CYP2C8: variants seen among roughly 807,000 people sequenced by gnomAD.
The protein encoded by CYP2C8 is cytochrome P450 2C8.
Under a neutral mutation model 41.3 loss-of-function variants are expected in CYP2C8, and 51 were observed. That is an observed-to-expected ratio of 1.24 (90% CI 0.99 to 1.56). The LOEUF is 1.56. Ranked by LOEUF, CYP2C8 falls within the 40% of genes most tolerant of loss-of-function variation. The pLI, the probability that CYP2C8 is intolerant of heterozygous loss-of-function variation, is 0.00. For synonymous variants in CYP2C8, 218 were observed against 205.8 expected, an observed-to-expected ratio of 1.06 and a Z score of -0.51; for missense variants, 651 against 579.9, an observed-to-expected ratio of 1.12 and a Z score of -1.26.
At chr10:95,046,631 TTCTTC>T (rs2033113848) in intron 5 of CYP2C8, among the ~76,000 whole-genome samples, 1 of 152,058 alleles carries the variant, frequency 6.6e-6, no homozygotes, top group South Asian at 2.1e-4. Context: ...AACATGAATC[TTCTTC>T]TCTTTTCTCC....
chr10:95,059,112 A>G (rs1044709284), intron 4 of CYP2C8, among the ~76,000 whole-genome samples: 37 of 152,302 alleles, frequency 2.4e-4, no homozygotes, highest in Admixed American at 4.6e-4. Flanking sequence ...ATACGTGTGC[A>G]TGTGTCTTTA....
rs545050969 is a variant in CYP2C8 at position 95,068,509 on chromosome 10, G to C, written c.168+726C>G. On this transcript the variant is annotated intron_variant, in intron 1 of 8. Transcript: ENST00000371270. Reference sequence around the variant, plus strand: ...AGCCATCAAATGAATCTTCAGAGAAGTTCAATTTTCATGACCATTCTGAAT... The same window carrying C: ...AGCCATCAAATGAATCTTCAGAGAACTTCAATTTTCATGACCATTCTGAAT... 10 of 981,762 alleles carry C rather than the reference G, an allele frequency of 1.0e-5. No individual in the cohort carries two copies. The East Asian group carries it at 6.0e-4, about 59-fold the overall frequency. 60.8% of individuals were successfully genotyped at this position (981,762 alleles called of 1,614,324 possible). A position where few individuals can be genotyped will look rare whatever the true frequency, so the allele number is the denominator to read the frequency against.
chr10:95,069,235 A>G lies in CYP2C8; in HGVS notation c.168T>C (p.Asn56=), dbSNP rs144284469. The change falls in exon 1 of 9, where the codon AAT becomes AAC. Residue 56 remains asparagine, a splice_region_variant and synonymous_variant. Coordinates refer to ENST00000371270, the MANE Select transcript of CYP2C8 (RefSeq NM_000770.3). ...CTGGAGGAACATAAGGCAGACTTACATTGGTGAAAGATTTGCAGATGTCCT... is the reference window on the plus strand; with the variant it reads ...CTGGAGGAACATAAGGCAGACTTACGTTGGTGAAAGATTTGCAGATGTCCT... The part of the protein sequence containing the change: ...DVKDICKSFT[N]FSKVYGPVFT... The G allele has an allele frequency of 6.4e-5, 104 of 1,614,056 alleles. No homozygotes were observed. Among genetic ancestry groups the G allele is most frequent in the Non-Finnish European group, 7.7e-5 (91 of 1,180,014 alleles).
intron 1 of CYP2C8, 75 bp from the exon 2 acceptor site, chr10:95,067,766 A>G: frequency 7.1e-7 from 1 of 1,403,402 alleles, no homozygotes; most frequent in Non-Finnish European, 1.0e-6. Context: ...TCAGACTGAC[A>G]TTTTCATTGT....
intron 4 of CYP2C8, among the ~76,000 whole-genome samples, chr10:95,059,958 C>G (rs2033390886): frequency 6.6e-6 from 1 of 151,918 alleles, no homozygotes; most frequent in Non-Finnish European, 1.5e-5. Flanking sequence ...AGTTGTAGAT[C>G]TGTGGTATTA....
chr10:95,058,051 T>A (rs899211482), intron 5 of CYP2C8, among the ~76,000 whole-genome samples: 1 of 152,188 alleles, frequency 6.6e-6, no homozygotes, highest in Non-Finnish European at 1.5e-5. Flanking sequence ...TATTTTGTAT[T>A]TTCTACTTAT....
intron 7 of CYP2C8, 41 bp downstream of exon 7, chr10:95,042,849 T>G: frequency 6.4e-7 from 1 of 1,568,350 alleles, no homozygotes; most frequent in South Asian, 1.1e-5. Flanking sequence ...CTATGGAAAT[T>G]TCAGAAGTAC....
rs1308795393 is a variant in CYP2C8 at position 95,037,092 on chromosome 10, T to G, written c.*36A>C. 1.3e-6 allele frequency: 2 copies of G among 1,591,840 alleles called. No individual in the cohort carries two copies. The highest frequency in any genetic ancestry group is 3.3e-5 in the Admixed American group (2 of 59,890). ...TCCTTGATAAAAAAAGAGTTGCAGGTGATAGCAGATCGGCAGCCAGATGGG... is the reference window on the plus strand; with the variant it reads ...TCCTTGATAAAAAAAGAGTTGCAGGGGATAGCAGATCGGCAGCCAGATGGG... On this transcript the variant is annotated 3_prime_UTR_variant, in exon 9 of 9. Coordinates refer to ENST00000371270, the MANE Select transcript of CYP2C8 (RefSeq NM_000770.3).
chr10:95,067,411 C>T, intron 2 of CYP2C8, 54 bp from the exon 3 acceptor site: 2 of 1,613,736 alleles, frequency 1.2e-6, no homozygotes, highest in Non-Finnish European at 1.7e-6. Context: ...GAAGAAAGTG[C>T]TGCAACACTT....
At chr10:95,045,229 T>A (rs1488218690) in intron 6 of CYP2C8, among the ~76,000 whole-genome samples, 6 of 152,212 alleles carry the variant, frequency 3.9e-5, no homozygotes. Context: ...ATGTCCCTAT[T>A]TGGTCAAATA....
intron 3 of CYP2C8, 45 bp from the exon 4 acceptor site, chr10:95,065,005 T>C (rs2033529983): frequency 2.2e-6 from 3 of 1,353,474 alleles, no homozygotes; most frequent in Non-Finnish European, 2.9e-6. Flanking sequence ...AAAATAAATA[T>C]TTAAAAGATT....
chr10:95,055,460 C>G (rs1220654247), intron 5 of CYP2C8, among the ~76,000 whole-genome samples: 1 of 152,160 alleles, frequency 6.6e-6, no homozygotes, highest in Non-Finnish European at 1.5e-5. Context: ...CTATCTCACT[C>G]TTATGCAAAA....
At chr10:95,043,776 T>C (rs1333995894) in intron 6 of CYP2C8, among the ~76,000 whole-genome samples, 1 of 151,920 alleles carries the variant, frequency 6.6e-6, no homozygotes, top group Non-Finnish European at 1.5e-5. Flanking sequence ...ACAATTCTCC[T>C]CCTTCTACTT....
At chr10:95,058,001 T>A (rs1409184702) in intron 5 of CYP2C8, among the ~76,000 whole-genome samples, 2 of 152,204 alleles carry the variant, frequency 1.3e-5, no homozygotes, top group Admixed American at 1.3e-4. Context: ...TCACATAATC[T>A]ATGTGCAATA....
chr10:95,060,047 C>G (rs552375939), intron 4 of CYP2C8, among the ~76,000 whole-genome samples: 63 of 152,288 alleles, frequency 4.1e-4, no homozygotes, highest in African/African-American at 1.5e-3. Flanking sequence ...GTTAATGCAG[C>G]CTTGTAGAAT....
intron 4 of CYP2C8, among the ~76,000 whole-genome samples, chr10:95,064,146 T>C (rs186707587): frequency 6.6e-6 from 1 of 152,280 alleles, no homozygotes; most frequent in African/African-American, 2.4e-5. Flanking sequence ...ACCACTACTC[T>C]CTTTAAAGCT....
Position 95,039,002 on chromosome 10 carries a change from G to A in CYP2C8, c.1186C>T (p.His396Tyr). The A allele has an allele frequency of 1.2e-6, 2 of 1,613,568 alleles. No homozygotes were observed. The highest frequency in any genetic ancestry group is 2.2e-5 in the East Asian group (1 of 44,876). Residue 396 changes from histidine (H) to tyrosine (Y), a missense_variant, in exon 8 of 9, where the codon CAT becomes TAT. Coordinates refer to ENST00000371270, the MANE Select transcript of CYP2C8 (RefSeq NM_000770.3). ...TIMALLTSVL[H>Y]DDKEFPNPNI... Reference sequence around the variant, plus strand: ...GGATTAGGAAATTCTTTGTCATCATGTAGCACGGAAGTCAGTAATGCCATT... The same window carrying A: ...GGATTAGGAAATTCTTTGTCATCATATAGCACGGAAGTCAGTAATGCCATT...
intron 4 of CYP2C8, among the ~76,000 whole-genome samples, chr10:95,064,078 G>T (rs966144122): frequency 1.3e-5 from 2 of 152,188 alleles, no homozygotes; most frequent in Non-Finnish European, 1.5e-5. Context: ...CAGGGGTCAG[G>T]GACCCACTTG....
chr10:95,037,420 G>A, intron 8 of CYP2C8, 111 bp from the exon 9 acceptor site: 1 of 876,828 alleles, frequency 1.1e-6, no homozygotes. Flanking sequence ...ATTGATTAAT[G>A]ATTGGGTAGA....
Sources: gnomAD v4.1 joint callset for allele counts (sites outside exome capture counted in the v4.1 genomes callset) on GRCh38, gnomAD v4.1.1 for gene constraint, MANE v1.5 for transcripts, NCBI Gene and HGNC (gene_info 2026-07-23, HGNC 2026-07-21) for gene names.